Variants in HNRNPM observed in about 807,000 individuals in gnomAD.
HNRNPM encodes CEA receptor.
Under a neutral mutation model 73.1 loss-of-function variants are expected in HNRNPM, and 11 were observed. That is an observed-to-expected ratio of 0.15 (90% CI 0.09 to 0.25). The LOEUF is 0.25. HNRNPM is among the 10% of genes least tolerant of loss of function. The pLI is 1.00. For synonymous variants in HNRNPM, 407 were observed against 355.2 expected, an observed-to-expected ratio of 1.15 and a Z score of -1.64; for missense variants, 789 against 1,067.9, an observed-to-expected ratio of 0.74 and a Z score of 3.64.
intron 2 of HNRNPM, among the ~76,000 whole-genome samples, chr19:8,459,644 C>T (rs995532877): frequency 2.0e-5 from 3 of 152,058 alleles, no homozygotes; most frequent in Non-Finnish European, 4.4e-5. Flanking sequence ...CACTGTATTC[C>T]CTCTTTTTTT....
intron 1 of HNRNPM, among the ~76,000 whole-genome samples, chr19:8,454,685 T>C (rs1555698374): frequency 0.086 from 2,091 of 24,222 alleles, 36 homozygotes; most frequent in Admixed American, 0.18. Flanking sequence ...CCCCCCCCCC[T>C]TTTTTTTTTT....
chr19:8,448,605 G>A (rs1968386386), intron 1 of HNRNPM, among the ~76,000 whole-genome samples: 1 of 151,800 alleles, frequency 6.6e-6, no homozygotes, highest in East Asian at 1.9e-4. Context: ...AGCCTCACGA[G>A]TAGCTGGGAC....
intron 13 of HNRNPM, among the ~76,000 whole-genome samples, chr19:8,483,542 A>G (rs916019758): frequency 6.6e-6 from 1 of 152,228 alleles, no homozygotes; most frequent in Non-Finnish European, 1.5e-5. Context: ...TGTTTTCCAC[A>G]TTATAAATTC....
chr19:8,449,072 A>G (rs905590510), intron 1 of HNRNPM, among the ~76,000 whole-genome samples: 2 of 152,228 alleles, frequency 1.3e-5, no homozygotes, highest in Admixed American at 6.5e-5. Context: ...CAGATTCTCT[A>G]TACAATGCAT....
In HNRNPM at chr19:8,462,939, T is replaced by A. The variant is rs1182418798; in HGVS notation, c.336+358T>A. 1.3e-5 allele frequency among the ~76,000 whole-genome samples: 2 copies of A among 152,244 alleles called. No individual in the cohort carries two copies. Among genetic ancestry groups the A allele is most frequent in the Non-Finnish European group, 2.9e-5 (2 of 68,046 alleles). On this transcript the variant is annotated intron_variant, in intron 3 of 15. Transcript: ENST00000325495. This position sits in a 1 kb window ranked among gnomAD's most constrained non-coding sequence, Gnocchi z 4.5. ...ACGTGTGTTCTTGTCTAGAAAATGT[T>A]ACTCTTGGTTGTTTGCTGAATTTGA...
At chr19:8,460,476 G>C (rs947291160) in intron 2 of HNRNPM, among the ~76,000 whole-genome samples, 3 of 152,214 alleles carry the variant, frequency 2.0e-5, no homozygotes, top group Admixed American at 1.3e-4. Context: ...GAGGTAAAAA[G>C]AGGGAGAACG....
chr19:8,474,107 T>C, intron 11 of HNRNPM, 60 bp from the exon 12 acceptor site: 1 of 1,250,484 alleles, frequency 8.0e-7, no homozygotes, highest in South Asian at 1.5e-5. Flanking sequence ...GAATTTTTCT[T>C]TCCCTGCTTA....
rs562772831 is a variant in HNRNPM, at chr19:8,487,487, C to T, written c.2029+412C>T. The stretch of plus-strand genomic sequence containing the variant: ...CAGCCCAGCAGGTGCCATGGGGAGG[C>T]GGTGCAGGCTCTGGGCACACAGCAG... On this transcript the variant is annotated intron_variant, in intron 15 of 15. Transcript: ENST00000325495. The T allele has an allele frequency of 7.5e-5, 15 of 200,234 alleles. No homozygotes were observed. The East Asian group carries it at 1.5e-3, about 19-fold the overall frequency. 12.4% of individuals were successfully genotyped at this position (200,234 alleles called of 1,614,324 possible).
chr19:8,455,725 G>GT (rs375350473), intron 2 of HNRNPM, 151 bp downstream of exon 2: 77,280 of 381,742 alleles, frequency 0.2, 56 homozygotes, highest in Middle Eastern at 0.27. Flanking sequence ...CCCCACCTCA[G>GT]TTTTTTTTTT....
intron 13 of HNRNPM, among the ~76,000 whole-genome samples, chr19:8,484,589 C>A (rs1014842966): frequency 6.6e-6 from 1 of 152,132 alleles, no homozygotes; most frequent in Non-Finnish European, 1.5e-5. Context: ...TAGAGTCGGG[C>A]CTGCTTTGGC....
At chr19:8,463,955 C>T in intron 5 of HNRNPM, 1 of 391,648 alleles carries the variant, frequency 2.6e-6, no homozygotes, top group South Asian at 3.6e-5. Context: ...ACTCTCAAAC[C>T]ATGAGCCCGT....
intron 12 of HNRNPM, among the ~76,000 whole-genome samples, chr19:8,475,649 A>G (rs1478107639): frequency 6.6e-6 from 1 of 152,206 alleles, no homozygotes; most frequent in East Asian, 1.9e-4. Context: ...AGTTGTCACC[A>G]TTAGTAATAA....
At position 8,455,682 on chromosome 19, in the gene HNRNPM, G is replaced by A. The variant is rs916307423; in HGVS notation, c.283+108G>A. 104 of 768,398 alleles carry A rather than the reference G, an allele frequency of 1.4e-4. 1 individual carries two copies. Among genetic ancestry groups the A allele is most frequent in the Non-Finnish European group, 2.9e-5 (14 of 477,132 alleles). 47.6% of individuals were successfully genotyped at this position (768,398 alleles called of 1,614,324 possible). On this transcript the variant is annotated intron_variant, in intron 2 of 15. Coordinates refer to ENST00000325495, the MANE Select transcript of HNRNPM (RefSeq NM_005968.5). Reference sequence around the variant, plus strand: ...GTGGAAGCGGCTCTGGGTAGAGCATGTTCTTTCCAGGCTTAAGAGTGAAGC... The same window carrying A: ...GTGGAAGCGGCTCTGGGTAGAGCATATTCTTTCCAGGCTTAAGAGTGAAGC...
intron 12 of HNRNPM, among the ~76,000 whole-genome samples, chr19:8,479,729 C>T (rs1970768403): frequency 6.7e-6 from 1 of 149,092 alleles, no homozygotes; most frequent in Admixed American, 6.7e-5. Context: ...TAGGCAACAG[C>T]CACTATGCCT....
intron 12 of HNRNPM, among the ~76,000 whole-genome samples, chr19:8,477,660 C>CAAAAAAAAAAA (rs35193948): frequency 3.4e-5 from 4 of 117,078 alleles, no homozygotes; most frequent in African/African-American, 1.5e-4. Flanking sequence ...AACCCTGTCT[C>CAAAAAAAAAAA]AAAAAAAAAA....
chr19:8,477,276 G>A (rs1043087334), intron 12 of HNRNPM, among the ~76,000 whole-genome samples: 15 of 152,152 alleles, frequency 9.9e-5, no homozygotes, highest in African/African-American at 3.6e-4. Flanking sequence ...GGAAAGAAGT[G>A]GCCAGCAGTA....
At chr19:8,484,586 G>A (rs1248387201) in intron 13 of HNRNPM, among the ~76,000 whole-genome samples, 3 of 152,206 alleles carry the variant, frequency 2.0e-5, no homozygotes, top group African/African-American at 7.2e-5. Context: ...TCTTAGAGTC[G>A]GGCCTGCTTT....
At chr19:8,486,453 CA>C (rs774750153) in intron 14 of HNRNPM, 48 bp downstream of exon 14, 8 of 1,470,328 alleles carry the variant, frequency 5.4e-6, no homozygotes, top group African/African-American at 2.8e-5. Context: ...CATGAGGGGA[CA>C]GGGGAGGCAA....
At chr19:8,484,825 G>C (rs1971158595) in intron 13 of HNRNPM, among the ~76,000 whole-genome samples, 1 of 152,184 alleles carries the variant, frequency 6.6e-6, no homozygotes, top group South Asian at 2.1e-4. Flanking sequence ...TGCTGACGGA[G>C]CCAGACCCTG....
Sources: allele counts gnomAD v4.1 joint callset (sites outside exome capture counted in the v4.1 genomes callset), GRCh38; gene constraint gnomAD v4.1.1; non-coding constraint Gnocchi (gnomAD v3.1); transcripts MANE v1.5; gene names NCBI Gene and HGNC (gene_info 2026-07-23, HGNC 2026-07-21).